NUP155: variants seen among roughly 807,000 people sequenced by gnomAD.
NUP155 encodes the protein nucleoporin 155.
NUP155 carries 71 observed loss-of-function variants against 180.4 expected under a neutral mutation model. The observed-to-expected ratio is 0.39, with a 90% confidence interval of 0.33 to 0.48. The LOEUF (loss-of-function observed/expected upper bound fraction) is 0.48, where lower values mean the gene tolerates loss of function less well. Among genes scored for constraint, NUP155 ranks in the 20% least tolerant of loss-of-function variants. The probability of loss-of-function intolerance (pLI) is 0.91; values close to 1 mark genes in which losing one functional copy is unlikely to be tolerated. For missense variants in NUP155, 1,553 were observed against 1,648.9 expected (o/e 0.94, Z 1.01); for synonymous variants, 582 against 559.5 (o/e 1.04, Z -0.57).
intron 3 of NUP155, among the ~76,000 whole-genome samples, chr5:37,361,686 C>A (rs1449356344): frequency 6.6e-6 from 1 of 152,062 alleles, no homozygotes; most frequent in Admixed American, 6.6e-5. Flanking sequence ...AATAGAAAGC[C>A]AATTGAATAT....
chr5:37,322,965 C>T (rs1261274329), intron 20 of NUP155, among the ~76,000 whole-genome samples: 1 of 149,862 alleles, frequency 6.7e-6, no homozygotes, highest in African/African-American at 2.5e-5. Context: ...AAGAGCGAAA[C>T]TCCGTCTCAA....
intron 4 of NUP155, among the ~76,000 whole-genome samples, chr5:37,356,342 A>G (rs754645564): frequency 6.6e-6 from 1 of 151,890 alleles, no homozygotes; most frequent in Admixed American, 6.6e-5. Context: ...TCTCACTTCC[A>G]TGGGCTATCA....
chr5:37,318,137 T>C, intron 20 of NUP155, 52 bp from the exon 21 acceptor site: 1 of 964,504 alleles, frequency 1.0e-6, no homozygotes, highest in Non-Finnish European at 1.7e-6. Flanking sequence ...TATTGAGATA[T>C]AACACATACA....
chr5:37,342,652 A>T lies in NUP155; in HGVS notation c.996-6T>A. 1 of 1,547,278 alleles carries T rather than the reference A, an allele frequency of 6.5e-7. No homozygotes were observed. Among genetic ancestry groups the T allele is most frequent in the Non-Finnish European group, 8.9e-7 (1 of 1,119,464 alleles). ...AAACAGAACGATCGATGGTCCTAAA[A>T]GAAAGGAGAAAATAAAGTGTATTTT... On this transcript the variant is annotated splice_polypyrimidine_tract_variant and splice_region_variant and intron_variant, in intron 9 of 34. Coordinates refer to ENST00000231498, the MANE Select transcript of NUP155 (RefSeq NM_153485.3).
intron 11 of NUP155, 103 bp from the exon 12 acceptor site, chr5:37,338,021 A>G (rs1055630002): frequency 6.6e-6 from 5 of 761,730 alleles, no homozygotes; most frequent in East Asian, 5.5e-5. Flanking sequence ...CGGTTTTGCA[A>G]TTAAAATTAT....
At chr5:37,350,013 C>T in intron 7 of NUP155, 147 bp downstream of exon 7, 2 of 680,588 alleles carry the variant, frequency 2.9e-6, no homozygotes, top group Non-Finnish European at 5.3e-6. Flanking sequence ...ATCTCCTTAC[C>T]CTTTAAAAGA....
chr5:37,315,979 AGCT>A (rs1743858746), intron 21 of NUP155, among the ~76,000 whole-genome samples: 1 of 152,188 alleles, frequency 6.6e-6, no homozygotes, highest in African/African-American at 2.4e-5. Context: ...AAAATGCAGT[AGCT>A]GCTATGAAAC....
intron 24 of NUP155, among the ~76,000 whole-genome samples, chr5:37,307,923 C>CAAA (rs1397316331): frequency 1.1e-5 from 1 of 87,920 alleles, no homozygotes; most frequent in African/African-American, 3.0e-5. Context: ...CTCTGTCTCA[C>CAAA]AAAAAAAAAA....
chr5:37,304,948 T>C, intron 26 of NUP155, 105 bp from the exon 27 acceptor site: 1 of 1,515,414 alleles, frequency 6.6e-7, no homozygotes, highest in Non-Finnish European at 9.2e-7. Flanking sequence ...AATCCTTACA[T>C]GATAACTTCT....
At chr5:37,355,569 A>G (rs565565278) in intron 4 of NUP155, among the ~76,000 whole-genome samples, 2,754 of 105,926 alleles carry the variant, frequency 0.026, 70 homozygotes, top group African/African-American at 0.085. Context: ...ATATTTATTT[A>G]TTTGTTTGTT....
At chr5:37,370,205 A>C (rs1284025482) in intron 1 of NUP155, among the ~76,000 whole-genome samples, 3 of 152,124 alleles carry the variant, frequency 2.0e-5, no homozygotes, top group Admixed American at 2.0e-4. Flanking sequence ...CCCCGTCTCT[A>C]CTTAAAAAAC....
At chr5:37,355,212 A>G (rs1358707350) in intron 4 of NUP155, among the ~76,000 whole-genome samples, 1 of 152,148 alleles carries the variant, frequency 6.6e-6, no homozygotes, top group Non-Finnish European at 1.5e-5. Context: ...ATTTCCTCCT[A>G]TAAAAAGGTA....
intron 25 of NUP155, among the ~76,000 whole-genome samples, chr5:37,305,594 A>G (rs1436853829): frequency 1.3e-5 from 2 of 152,138 alleles, no homozygotes; most frequent in African/African-American, 4.8e-5. Context: ...AGGCACAAGA[A>G]TTGCTTGAAC....
In NUP155 at chr5:37,328,403, C is replaced by T; in HGVS notation, c.1831G>A (p.Gly611Ser). The change falls in exon 17 of 35, where the codon GGT becomes AGT. Residue 611 changes from glycine to serine, a missense_variant. Transcript: ENST00000231498. ...PVYSSSPVPS[G>S]SPYPNPSFLG... ...AAGGATGGATTTGGATAGGGACTAC[C>T]ACTAGGAACAGGAGAACCTAAAAAG... The T allele has an allele frequency of 6.2e-7, 1 of 1,604,924 alleles. No homozygotes were observed. Among genetic ancestry groups the T allele is most frequent in the Non-Finnish European group, 8.5e-7 (1 of 1,171,782 alleles).
In NUP155 at chr5:37,314,282, C is replaced by T. The variant is rs764734460; in HGVS notation, c.2352G>A (p.Leu784=). 8.1e-6 allele frequency: 13 copies of T among 1,609,564 alleles called. No homozygotes were observed. In the East Asian group the frequency reaches 2.9e-4, roughly 36 times the overall value. The part of the protein sequence containing the change: ...EKISLQAIQQ[L]VRKSYQALAL... ...CCAGAGCCTGATATGATTTTCGAACCAACTGCTGAATTGCCTGAAGTGAAA... is the reference window on the plus strand; with the variant it reads ...CCAGAGCCTGATATGATTTTCGAACTAACTGCTGAATTGCCTGAAGTGAAA... The change falls in exon 22 of 35, where the codon TTG becomes TTA. Residue 784 remains leucine (L), a synonymous_variant. Coordinates refer to ENST00000231498, the MANE Select transcript of NUP155 (RefSeq NM_153485.3).
At chr5:37,353,250 A>T (rs1432619517) in intron 4 of NUP155, among the ~76,000 whole-genome samples, 2 of 151,264 alleles carry the variant, frequency 1.3e-5, no homozygotes, top group African/African-American at 4.9e-5. Flanking sequence ...AAAAAAAATG[A>T]CATATATATA....
intron 1 of NUP155, among the ~76,000 whole-genome samples, chr5:37,365,752 T>TATATACACACACACAC (rs1403169370): frequency 3.7e-4 from 14 of 37,884 alleles, no homozygotes; most frequent in Non-Finnish European, 4.0e-4. Flanking sequence ...TATATATATA[T>TATATACACACACACAC]ACACACACAC....
At chr5:37,305,340 T>C (rs975380925) in intron 25 of NUP155, 130 bp from the exon 26 acceptor site, 4 of 765,492 alleles carry the variant, frequency 5.2e-6, no homozygotes, top group South Asian at 4.7e-5. Flanking sequence ...AGGCTGGGAG[T>C]TCAAGACTAG....
chr5:37,307,538 ACAATAGT>A, intron 24 of NUP155, 106 bp from the exon 25 acceptor site: 1 of 1,040,890 alleles, frequency 9.6e-7, no homozygotes, highest in Non-Finnish European at 1.5e-6. Context: ...TCTCTACTGT[ACAATAGT>A]CACCCTGCTA....
Sources: allele counts gnomAD v4.1 joint callset (sites outside exome capture counted in the v4.1 genomes callset), GRCh38; gene constraint gnomAD v4.1.1; transcripts MANE v1.5; gene names NCBI Gene and HGNC (gene_info 2026-07-23, HGNC 2026-07-21).